The following ULK4 variants were observed in gnomAD, a reference collection of about 807,000 sequenced individuals.
ULK4 encodes the protein inactive serine/threonine-protein kinase ULK4.
In ULK4, 133 loss-of-function variants were observed where a neutral mutation model predicts 160.6. The ratio of observed to expected loss-of-function variants is 0.83; its 90% CI spans 0.72 to 0.96. The LOEUF is 0.96. ULK4 is among the 40% of genes least tolerant of loss of function. The pLI is 0.00. For missense variants in ULK4, 1,580 were observed against 1,499.5 expected (o/e 1.05, Z -0.89); for synonymous variants, 534 against 539.8 (o/e 0.99, Z 0.15).
intron 18 of ULK4, among the ~76,000 whole-genome samples, chr3:41,829,560 G>A (rs2041496447): frequency 3.3e-5 from 5 of 151,992 alleles, no homozygotes; most frequent in African/African-American, 1.2e-4. Flanking sequence ...ATCATCACTG[G>A]CCATCAGAGA....
At chr3:41,357,398 G>T (rs1443748713) in intron 35 of ULK4, among the ~76,000 whole-genome samples, 1 of 152,156 alleles carries the variant, frequency 6.6e-6, no homozygotes, top group Non-Finnish European at 1.5e-5. Flanking sequence ...TTCATGGCGT[G>T]TGGGGTAGAA....
chr3:41,356,967 A>G (rs1423061106), intron 35 of ULK4, among the ~76,000 whole-genome samples: 1 of 152,190 alleles, frequency 6.6e-6, no homozygotes, highest in Non-Finnish European at 1.5e-5. Flanking sequence ...GCTCTGAGGA[A>G]GGCAAAAGGT....
chr3:41,789,672 T>G lies in ULK4; in HGVS notation c.2182A>C (p.Ile728Leu). 1 of 1,574,502 alleles carries G rather than the reference T, an allele frequency of 6.4e-7. No homozygotes were observed. The highest frequency in any genetic ancestry group is 1.2e-5 in the South Asian group (1 of 84,592). Residue 728 changes from isoleucine to leucine, a missense_variant, in exon 21 of 37, where the codon ATC becomes CTC. Coordinates refer to ENST00000301831, the MANE Select transcript of ULK4 (RefSeq NM_017886.4). ...AATCTAAGTCAAACCTTTTCTTGGA[T>G]TAGTCTTTGAAGATGAATCCCACAG... is the stretch of plus-strand genomic sequence containing the variant. The part of the protein sequence containing the change: ...LSCGIHLQRL[I>L]QEKGFVSTII...
chr3:41,959,949 A>G (rs1205464968), intron 1 of ULK4, among the ~76,000 whole-genome samples: 1 of 152,208 alleles, frequency 6.6e-6, no homozygotes, highest in Non-Finnish European at 1.5e-5. Context: ...ATATCTCAGG[A>G]TAAGATGATA....
At chr3:41,248,551 ATT>A (rs2078686708) in intron 36 of ULK4, among the ~76,000 whole-genome samples, 3 of 152,362 alleles carry the variant, frequency 2.0e-5, no homozygotes, top group African/African-American at 7.2e-5. Flanking sequence ...GCTGATTGGA[ATT>A]GAGCCTTCTC....
At chr3:41,809,785 A>G (rs2040763406) in intron 19 of ULK4, among the ~76,000 whole-genome samples, 1 of 152,178 alleles carries the variant, frequency 6.6e-6, no homozygotes, top group Non-Finnish European at 1.5e-5. Context: ...TCTTTTTTCA[A>G]TAATTTATTT....
chr3:41,564,522 A>G (rs1297721452), intron 32 of ULK4, among the ~76,000 whole-genome samples: 2 of 134,482 alleles, frequency 1.5e-5, no homozygotes, highest in African/African-American at 5.6e-5. Context: ...GCAGTGGTGC[A>G]ATCTCGGCTC....
chr3:41,767,373 CTTTT>C (rs146816425), intron 21 of ULK4, among the ~76,000 whole-genome samples: 1 of 151,934 alleles, frequency 6.6e-6, no homozygotes, highest in South Asian at 2.1e-4. Flanking sequence ...ATACTTTTTG[CTTTT>C]TTAATAAAAA....
At chr3:41,649,245 A>G in intron 30 of ULK4, among the ~76,000 whole-genome samples, 1 of 152,156 alleles carries the variant, frequency 6.6e-6, no homozygotes, top group East Asian at 1.9e-4. Flanking sequence ...GCAGCGGCCC[A>G]TTTGGAGCGG....
intron 31 of ULK4, among the ~76,000 whole-genome samples, chr3:41,592,887 C>A (rs964339709): frequency 6.6e-6 from 1 of 152,030 alleles, no homozygotes; most frequent in African/African-American, 2.4e-5. Context: ...TGTGTGTGTT[C>A]TCTTAATGTC....
chr3:41,642,102 G>A (rs1225559544), intron 30 of ULK4, among the ~76,000 whole-genome samples: 1 of 151,560 alleles, frequency 6.6e-6, no homozygotes, highest in Non-Finnish European at 1.5e-5. Flanking sequence ...TCGAACCCCT[G>A]ACCTCAGGTG....
intron 18 of ULK4, among the ~76,000 whole-genome samples, chr3:41,827,551 T>G (rs376172136): frequency 0.25 from 38,092 of 151,046 alleles, 5,990 homozygotes; most frequent in African/African-American, 0.45. Context: ...AAATCTAGAA[T>G]AAATGGATAA....
rs533819930 is a variant in ULK4, at chr3:41,781,076, T to G, written c.2193+8585A>C. 2.6e-5 allele frequency among the ~76,000 whole-genome samples: 4 copies of G among 152,028 alleles called. No individual in the cohort carries two copies. The South Asian group carries it at 8.3e-4, about 32-fold the overall frequency. On this transcript the variant is annotated intron_variant, in intron 21 of 36. Transcript: ENST00000301831. ...ATTTATACAAATACATACATAAAAA[T>G]ATATTTTTCTCTATACATACAGAGA...
At chr3:41,513,620 A>G (rs2085658406) in intron 32 of ULK4, among the ~76,000 whole-genome samples, 1 of 152,248 alleles carries the variant, frequency 6.6e-6, no homozygotes, top group Admixed American at 6.5e-5. Flanking sequence ...CAACAGAGCA[A>G]GAGTCCATCA....
At chr3:41,318,491 T>C (rs770982934) in intron 35 of ULK4, among the ~76,000 whole-genome samples, 9 of 152,206 alleles carry the variant, frequency 5.9e-5, no homozygotes, top group Admixed American at 3.9e-4. Flanking sequence ...ACTTAATTAG[T>C]ACTGAGAGTC....
At chr3:41,434,842 T>G (rs1374087564) in intron 34 of ULK4, among the ~76,000 whole-genome samples, 1 of 152,224 alleles carries the variant, frequency 6.6e-6, no homozygotes, top group African/African-American at 2.4e-5. Context: ...TTAGTTTGAA[T>G]TGACTTTTTA....
chr3:41,831,517 T>TCA (rs1553666694), intron 18 of ULK4, among the ~76,000 whole-genome samples: 1 of 132,652 alleles, frequency 7.5e-6, no homozygotes, highest in Non-Finnish European at 1.6e-5. Context: ...TATTGTTATT[T>TCA]TATATATATA....
At chr3:41,376,605 G>T (rs1360154496) in intron 35 of ULK4, among the ~76,000 whole-genome samples, 1 of 148,336 alleles carries the variant, frequency 6.7e-6, no homozygotes, top group East Asian at 2.1e-4. Context: ...GCCAAATCAT[G>T]AGTGAACTCC....
intron 31 of ULK4, among the ~76,000 whole-genome samples, chr3:41,590,089 G>A (rs1333023679): frequency 6.6e-6 from 1 of 151,570 alleles, no homozygotes; most frequent in African/African-American, 2.4e-5. Context: ...TGTAACCTCC[G>A]CCTCCCGGAT....
Sources: allele counts gnomAD v4.1 joint callset (sites outside exome capture counted in the v4.1 genomes callset), GRCh38; gene constraint gnomAD v4.1.1; transcripts MANE v1.5; gene names NCBI Gene and HGNC (gene_info 2026-07-23, HGNC 2026-07-21).